The following CNTNAP2 variants were observed in gnomAD, a reference collection of about 807,000 sequenced individuals.
The protein encoded by CNTNAP2 is contactin associated protein 2.
In CNTNAP2, 98 loss-of-function variants were observed where a neutral mutation model predicts 155.2. The observed-to-expected ratio is 0.63, with a 90% CI of 0.54 to 0.75. CNTNAP2 has a LOEUF of 0.75. CNTNAP2 is among the 30% of genes least tolerant of loss of function. The pLI is 0.00. For synonymous variants in CNTNAP2, 651 were observed against 631.2 expected (o/e 1.03, Z -0.47); for missense variants, 1,727 against 1,688.1 (o/e 1.02, Z -0.40).
At chr7:147,436,166 A>G (rs1797544928) in intron 10 of CNTNAP2, among the ~76,000 whole-genome samples, 1 of 152,178 alleles carries the variant, frequency 6.6e-6, no homozygotes, top group African/African-American at 2.4e-5. Context: ...GTCTTATTTC[A>G]TTATTTAATT....
chr7:146,208,817 C>A (rs1460904628), intron 1 of CNTNAP2: 1 of 151,610 alleles, frequency 6.6e-6, no homozygotes, highest in Non-Finnish European at 1.5e-5. Context: ...ACAGGAATTT[C>A]AAACTTCAGG....
intron 3 of CNTNAP2, among the ~76,000 whole-genome samples, chr7:146,991,747 T>C (rs775927501): frequency 2.6e-4 from 40 of 152,218 alleles, no homozygotes; most frequent in Non-Finnish European, 5.0e-4. Flanking sequence ...TCAAGAAAAA[T>C]GCTGAGATCG....
intron 1 of CNTNAP2, among the ~76,000 whole-genome samples, chr7:146,710,640 A>C (rs962784728): frequency 6.6e-6 from 1 of 152,018 alleles, no homozygotes; most frequent in Non-Finnish European, 1.5e-5. Context: ...CTCACCACTA[A>C]TGCACTTCTG....
chr7:148,029,688 C>T (rs1036296193), intron 15 of CNTNAP2, among the ~76,000 whole-genome samples: 1 of 152,080 alleles, frequency 6.6e-6, no homozygotes, highest in African/African-American at 2.4e-5. Flanking sequence ...AATATAATAC[C>T]TTGACTCGAT....
At chr7:146,622,207 A>T (rs1393891169) in intron 1 of CNTNAP2, among the ~76,000 whole-genome samples, 1 of 151,584 alleles carries the variant, frequency 6.6e-6, no homozygotes, top group African/African-American at 2.4e-5. Context: ...ATATACACAC[A>T]TATACACGTG....
At chr7:148,148,096 G>C (rs1805227823) in intron 17 of CNTNAP2, among the ~76,000 whole-genome samples, 1 of 149,778 alleles carries the variant, frequency 6.7e-6, no homozygotes, top group African/African-American at 2.5e-5. Context: ...GGGAGAGAGG[G>C]AGGGAGGGAG....
At chr7:146,349,838 G>A (rs1794885195) in intron 1 of CNTNAP2, among the ~76,000 whole-genome samples, 4 of 152,018 alleles carry the variant, frequency 2.6e-5, no homozygotes, top group South Asian at 4.2e-4. Context: ...CGAGAGATCC[G>A]CTGTTAGTCT....
chr7:148,155,927 A>G (rs1255634485), intron 17 of CNTNAP2, among the ~76,000 whole-genome samples: 3 of 152,166 alleles, frequency 2.0e-5, no homozygotes, highest in African/African-American at 7.2e-5. Flanking sequence ...GCTTCCCACA[A>G]CGTGCAGGAG....
intron 8 of CNTNAP2, among the ~76,000 whole-genome samples, chr7:147,191,945 G>A (rs761479721): frequency 1.8e-4 from 28 of 152,252 alleles, no homozygotes; most frequent in African/African-American, 5.8e-4. Context: ...TGTAAGCTAC[G>A]CTGCCAAAAA....
chr7:147,591,199 C>T (rs1800728295), intron 12 of CNTNAP2, among the ~76,000 whole-genome samples: 1 of 152,202 alleles, frequency 6.6e-6, no homozygotes, highest in Admixed American at 6.5e-5. Context: ...TTTCCTAGGG[C>T]TGCCATAACA....
chr7:147,782,022 A>G (rs938884376), intron 13 of CNTNAP2, among the ~76,000 whole-genome samples: 2 of 49,140 alleles, frequency 4.1e-5, no homozygotes, highest in Admixed American at 3.3e-4. Context: ...GATTCCGTTT[A>G]AAAAAAAAAA....
At chr7:147,265,640 C>G (rs954178357) in intron 8 of CNTNAP2, among the ~76,000 whole-genome samples, 1 of 152,206 alleles carries the variant, frequency 6.6e-6, no homozygotes, top group Non-Finnish European at 1.5e-5. Flanking sequence ...ACAGCACACT[C>G]CCTCCACCAA....
chr7:148,033,087 C>T (rs768242849), intron 15 of CNTNAP2, among the ~76,000 whole-genome samples: 4 of 152,062 alleles, frequency 2.6e-5, no homozygotes, highest in Admixed American at 1.3e-4. Context: ...ACACACCTAG[C>T]GAGGGCTCAT....
At chr7:147,110,292 C>G (rs1047814593) in intron 5 of CNTNAP2, among the ~76,000 whole-genome samples, 3 of 151,720 alleles carry the variant, frequency 2.0e-5, no homozygotes, top group African/African-American at 7.3e-5. Flanking sequence ...TTACTTAAAG[C>G]TAAAGTGAAG....
intron 7 of CNTNAP2, among the ~76,000 whole-genome samples, chr7:147,130,788 G>A (rs10268252): frequency 0.41 from 62,522 of 151,774 alleles, 13,380 homozygotes; most frequent in East Asian, 0.62. Flanking sequence ...AGTCAGCACC[G>A]TTACTCTGGA....
In CNTNAP2 at chr7:147,540,149, C is replaced by A. The variant is rs895632050; in HGVS notation, c.1778-21989C>A. 4.6e-5 allele frequency among the ~76,000 whole-genome samples: 7 copies of A among 152,300 alleles called. No individual in the cohort carries two copies. The East Asian group carries it at 1.4e-3, about 29-fold the overall frequency. ...AAGTCCTTCAGTTAAAGCATCAGTTCTTTGAAGACCTGGTCCCTGATTGTC... is the reference window on the plus strand; with the variant it reads ...AAGTCCTTCAGTTAAAGCATCAGTTATTTGAAGACCTGGTCCCTGATTGTC... On this transcript the variant is annotated intron_variant, in intron 11 of 23. Coordinates refer to ENST00000361727, the MANE Select transcript of CNTNAP2 (RefSeq NM_014141.6).
At chr7:146,674,007 C>T (rs115683665) in intron 1 of CNTNAP2, among the ~76,000 whole-genome samples, 95 of 152,250 alleles carry the variant, frequency 6.2e-4, no homozygotes, top group African/African-American at 2.1e-3. Context: ...ACTTTTAGTT[C>T]GTCCCTGGCA....
At chr7:146,125,410 A>G (rs2116725895) in intron 1 of CNTNAP2, among the ~76,000 whole-genome samples, 1 of 151,874 alleles carries the variant, frequency 6.6e-6, no homozygotes, top group East Asian at 2.0e-4. Context: ...CCCCATCTCT[A>G]CTAAAAATAC....
intron 13 of CNTNAP2, among the ~76,000 whole-genome samples, chr7:147,764,624 T>C (rs183716972): frequency 1.9e-3 from 287 of 152,268 alleles, no homozygotes; most frequent in Middle Eastern, 6.8e-3. Flanking sequence ...AAATGGTGAG[T>C]CAATATAATC....
Sources: allele counts gnomAD v4.1 joint callset (sites outside exome capture counted in the v4.1 genomes callset), GRCh38; gene constraint gnomAD v4.1.1; transcripts MANE v1.5; gene names NCBI Gene and HGNC (gene_info 2026-07-23, HGNC 2026-07-21).